Variants in GNAT3 observed in about 807,000 individuals in gnomAD.
The protein encoded by GNAT3 is G protein subunit alpha transducin 3.
GNAT3 carries 31 observed loss-of-function variants against 37.7 expected under a neutral mutation model. The observed-to-expected ratio is 0.82, with a 90% CI of 0.62 to 1.11. The LOEUF is 1.11. Ranked by LOEUF, GNAT3 falls within the 50% of genes most tolerant of loss-of-function variation. GNAT3 has a pLI of 0.00. For synonymous variants in GNAT3, 138 were observed against 139.8 expected, an observed-to-expected ratio of 0.99 and a Z score of 0.09; for missense variants, 437 against 412.5, an observed-to-expected ratio of 1.06 and a Z score of -0.51.
chr7:80,467,157 A>AGCTT (rs1790140937), intron 5 of GNAT3, among the ~76,000 whole-genome samples: 1 of 152,134 alleles, frequency 6.6e-6, no homozygotes, highest in Non-Finnish European at 1.5e-5. Flanking sequence ...CATATCATGC[A>AGCTT]GCTTCTAATA....
At chr7:80,495,418 C>G (rs967800615) in intron 1 of GNAT3, among the ~76,000 whole-genome samples, 1 of 151,040 alleles carries the variant, frequency 6.6e-6, no homozygotes. Context: ...TAATAATAGC[C>G]ATTTTGACCT....
chr7:80,490,656 G>A (rs540160398), intron 2 of GNAT3, among the ~76,000 whole-genome samples: 16 of 152,272 alleles, frequency 1.1e-4, no homozygotes, highest in African/African-American at 3.1e-4. Context: ...TATGTGCCAA[G>A]CACTATTGTA....
intron 1 of GNAT3, among the ~76,000 whole-genome samples, chr7:80,500,200 T>G (rs1320021887): frequency 1.3e-5 from 2 of 151,244 alleles, no homozygotes; most frequent in Non-Finnish European, 2.9e-5. Context: ...TAAGTAATTT[T>G]CTTAATAAAG....
chr7:80,506,366 T>A (rs1035927211), intron 1 of GNAT3, among the ~76,000 whole-genome samples: 13 of 152,186 alleles, frequency 8.5e-5, no homozygotes, highest in African/African-American at 3.1e-4. Context: ...AGCCTGCTTT[T>A]AAGATGTGCT....
At chr7:80,476,611 T>G (rs1445034783) in intron 4 of GNAT3, among the ~76,000 whole-genome samples, 1 of 151,704 alleles carries the variant, frequency 6.6e-6, no homozygotes, top group South Asian at 2.1e-4. Flanking sequence ...ACTTGAAGGA[T>G]CTCTAGATTT....
chr7:80,487,035 G>A (rs1790498358), intron 3 of GNAT3, among the ~76,000 whole-genome samples: 1 of 152,022 alleles, frequency 6.6e-6, no homozygotes, highest in South Asian at 2.1e-4. Context: ...TTAAATCCTT[G>A]AATAGCAAAA....
intron 1 of GNAT3, among the ~76,000 whole-genome samples, chr7:80,500,225 G>T (rs1790808063): frequency 7.4e-6 from 1 of 134,390 alleles, no homozygotes. Context: ...TGATTAGTTT[G>T]CCTCCTTTTT....
At chr7:80,462,431 C>T (rs1450577443) in intron 6 of GNAT3, 71 bp downstream of exon 6, 3 of 1,570,818 alleles carry the variant, frequency 1.9e-6, no homozygotes, top group African/African-American at 1.4e-5. Context: ...ATGAGTTGGG[C>T]AATGTGGTAG....
chr7:80,511,411 A>T (rs1216166072), intron 1 of GNAT3, among the ~76,000 whole-genome samples: 4 of 152,108 alleles, frequency 2.6e-5, no homozygotes, highest in Non-Finnish European at 4.4e-5. Context: ...AAACAATTCA[A>T]CCTATTTCTG....
In GNAT3 at chr7:80,458,684, C is replaced by T; in HGVS notation, c.1052G>A (p.Cys351Tyr). 1 of 1,549,682 alleles carries T rather than the reference C, an allele frequency of 6.5e-7. No homozygotes were observed. The highest frequency in any genetic ancestry group is 8.7e-7 in the Non-Finnish European group (1 of 1,150,258). The change falls in exon 8 of 8, where the codon TGT (cysteine) becomes TAT (tyrosine). Residue 351 changes from cysteine to tyrosine, a missense_variant. By Grantham distance (194) the Cys-to-Tyr change is radical. Transcript: ENST00000398291. ...DIIIKENLKD[C>Y]GLF The stretch of plus-strand genomic sequence containing the variant: ...GAAAATAGTTGATTAGAAAAGCCCA[C>T]AGTCTTTTAGATTCTCTTTGATTAT...
At chr7:80,509,310 G>A (rs922165967) in intron 1 of GNAT3, among the ~76,000 whole-genome samples, 7 of 151,964 alleles carry the variant, frequency 4.6e-5, no homozygotes, top group African/African-American at 1.7e-4. Flanking sequence ...GACTCCAAAA[G>A]GGAAACTTAG....
chr7:80,481,000 C>A (rs1219551424), intron 3 of GNAT3, among the ~76,000 whole-genome samples: 1 of 151,982 alleles, frequency 6.6e-6, no homozygotes, highest in South Asian at 2.1e-4. Context: ...GAAGTATGTT[C>A]AATAAGAACT....
intron 3 of GNAT3, among the ~76,000 whole-genome samples, chr7:80,482,509 GT>G (rs1182183203): frequency 7.1e-6 from 1 of 141,064 alleles, no homozygotes; most frequent in African/African-American, 2.6e-5. Context: ...TTGTTTTTTT[GT>G]TTGTTTGTTT....
chr7:80,479,042 T>C (rs1472920020), intron 3 of GNAT3, 44 bp from the exon 4 acceptor site: 1 of 1,337,678 alleles, frequency 7.5e-7, no homozygotes, highest in African/African-American at 1.5e-5. Context: ...TTATTTGGAA[T>C]CACATATTCT....
chr7:80,502,451 T>A (rs907725282), intron 1 of GNAT3, among the ~76,000 whole-genome samples: 1 of 152,040 alleles, frequency 6.6e-6, no homozygotes. Flanking sequence ...CTGTTGCAGA[T>A]ATTTGTCTAA....
At position 80,462,246 on chromosome 7, in the gene GNAT3, A is replaced by G. The variant is rs1790062872; in HGVS notation, c.787T>C (p.Ser263Pro). The G allele has an allele frequency of 6.2e-7, 1 of 1,611,468 alleles. No homozygotes were observed. Among genetic ancestry groups the G allele is most frequent in the African/African-American group, 1.3e-5 (1 of 74,886 alleles). The change falls in exon 7 of 8, where the codon TCC becomes CCC. Residue 263 changes from serine (S) to proline (P), a missense_variant. Coordinates refer to ENST00000398291, the MANE Select transcript of GNAT3 (RefSeq NM_001102386.3). ...TTTTTGTTGAGGAACAGGACAATGG[A>G]GGTTGTTGAAAAATACTTGTGATTA... Reference protein sequence around the residue: ...ICNHKYFSTTSIVLFLNKKDI... With the variant: ...ICNHKYFSTTPIVLFLNKKDI...
At chr7:80,494,166 A>G (rs916287964) in intron 2 of GNAT3, among the ~76,000 whole-genome samples, 1 of 152,190 alleles carries the variant, frequency 6.6e-6, no homozygotes, top group Admixed American at 6.6e-5. Flanking sequence ...AAAGTAGAGA[A>G]ACAAATGCAA....
intron 5 of GNAT3, among the ~76,000 whole-genome samples, chr7:80,464,593 G>C (rs1365312768): frequency 1.3e-5 from 2 of 152,128 alleles, no homozygotes; most frequent in South Asian, 2.1e-4. Flanking sequence ...GCTTAATGAG[G>C]AAGAGATTAG....
intron 4 of GNAT3, among the ~76,000 whole-genome samples, chr7:80,478,256 T>G (rs1016346500): frequency 2.0e-5 from 3 of 152,334 alleles, no homozygotes; most frequent in African/African-American, 7.2e-5. Flanking sequence ...TTATAAATAG[T>G]GTCACAAGCC....
Sources: allele counts gnomAD v4.1 joint callset (sites outside exome capture counted in the v4.1 genomes callset), GRCh38; gene constraint gnomAD v4.1.1; transcripts MANE v1.5; gene names NCBI Gene and HGNC (gene_info 2026-07-23, HGNC 2026-07-21).